The following WDR41 variants were observed in gnomAD, a reference collection of about 807,000 sequenced individuals.
WDR41 encodes the protein WD repeat domain 41.
WDR41 carries 63 observed loss-of-function variants against 69.3 expected under a neutral mutation model. The observed-to-expected ratio is 0.91, with a 90% CI of 0.74 to 1.12. The LOEUF (loss-of-function observed/expected upper bound fraction) is 1.12. Ranked by LOEUF, WDR41 falls within the 50% of genes most tolerant of loss-of-function variation. The pLI, the probability that WDR41 is intolerant of heterozygous loss-of-function variation, is 0.00. For missense variants in WDR41, 543 were observed against 534.5 expected (o/e 1.02, Z -0.16); for synonymous variants, 185 against 192.1 (o/e 0.96, Z 0.31).
chr5:77,590,259 TGTG>T (rs1473055134), intron 1 of WDR41, among the ~76,000 whole-genome samples: 1 of 152,232 alleles, frequency 6.6e-6, no homozygotes, highest in Non-Finnish European at 1.5e-5. Flanking sequence ...TTTACAACTA[TGTG>T]TATCTGTTTT....
upstream of WDR41, among the ~76,000 whole-genome samples, chr5:77,496,660 C>T (rs1278863841): frequency 6.6e-6 from 1 of 152,028 alleles, no homozygotes; most frequent in African/African-American, 2.4e-5. Flanking sequence ...GATAGAAAGA[C>T]AACATTGTTA....
chr5:77,602,230 T>G (rs6897312), intron 1 of WDR41, among the ~76,000 whole-genome samples: 1 of 151,844 alleles, frequency 6.6e-6, no homozygotes, highest in South Asian at 2.1e-4. Flanking sequence ...ACCTCCATCT[T>G]ATGGGTTTAA....
chr5:77,475,598 G>A (rs1800878895), intron 2 of WDR41, among the ~76,000 whole-genome samples: 2 of 152,032 alleles, frequency 1.3e-5, no homozygotes, highest in African/African-American at 2.4e-5. Context: ...CAACAGACCT[G>A]CAGCTGAGGG....
chr5:77,602,870 A>G (rs1744349102), intron 1 of WDR41, among the ~76,000 whole-genome samples: 1 of 150,890 alleles, frequency 6.6e-6, no homozygotes, highest in Non-Finnish European at 1.5e-5. Flanking sequence ...GTACTAACTT[A>G]TATTCCCACC....
chr5:77,559,062 A>G (rs1743467478), intron 1 of WDR41, among the ~76,000 whole-genome samples: 1 of 152,216 alleles, frequency 6.6e-6, no homozygotes, highest in African/African-American at 2.4e-5. Context: ...TCAAGAATAA[A>G]TAACAGACAC....
intron 2 of WDR41, among the ~76,000 whole-genome samples, chr5:77,485,439 A>G (rs899836434): frequency 2.6e-5 from 4 of 152,210 alleles, no homozygotes; most frequent in Admixed American, 2.0e-4. Flanking sequence ...AGCTTCACCA[A>G]CCATCCTAGA....
At chr5:77,471,524 C>T (rs550094838) in intron 2 of WDR41, among the ~76,000 whole-genome samples, 60 of 152,030 alleles carry the variant, frequency 3.9e-4, no homozygotes, top group African/African-American at 1.2e-3. Flanking sequence ...ATTGATAGAA[C>T]GCTAGTAAGA....
chr5:77,473,649 C>T (rs143530017), intron 2 of WDR41, among the ~76,000 whole-genome samples: 8,154 of 152,268 alleles, frequency 0.054, 363 homozygotes, highest in Admixed American at 0.13. Flanking sequence ...TGAACAGACA[C>T]TTCTCAAAAG....
Position 77,583,077 on chromosome 5 carries a change from C to T in WDR41, c.42+37402G>A, listed in dbSNP as rs998187910. The T allele has an allele frequency of 1.3e-5, 20 of 1,592,592 alleles. 1 individual carries two copies. The highest frequency in any genetic ancestry group is 1.7e-5 in the Non-Finnish European group (20 of 1,175,782). On this transcript the variant is annotated intron_variant, in intron 1 of 5. Transcript: ENST00000509971. ...ATTTTGTAGAAGGTAGAGATGCTGG[C>T]AACAGGGAGGACCAGATCAACAGGC... is the stretch of plus-strand genomic sequence containing the variant.
chr5:77,598,460 G>A (rs1744262951), intron 1 of WDR41, among the ~76,000 whole-genome samples: 1 of 152,176 alleles, frequency 6.6e-6, no homozygotes, highest in Non-Finnish European at 1.5e-5. Flanking sequence ...GATGCAGACA[G>A]GAGCTGCTTC....
At chr5:77,506,615 T>C (rs188345501) in intron 1 of WDR41, among the ~76,000 whole-genome samples, 1 of 152,220 alleles carries the variant, frequency 6.6e-6, no homozygotes, top group East Asian at 1.9e-4. Flanking sequence ...CTATTCACAA[T>C]AGCAAAGACT....
intron 1 of WDR41, among the ~76,000 whole-genome samples, chr5:77,574,587 T>A (rs1308693698): frequency 6.6e-6 from 1 of 152,206 alleles, no homozygotes; most frequent in Non-Finnish European, 1.5e-5. Context: ...CTAAGGCTAA[T>A]GCTTTGACTT....
intron 1 of WDR41, among the ~76,000 whole-genome samples, chr5:77,571,775 T>C (rs1168322287): frequency 1.3e-5 from 2 of 152,136 alleles, no homozygotes; most frequent in African/African-American, 4.8e-5. Flanking sequence ...ATGGACCATT[T>C]TTCACTCTCT....
chr5:77,602,613 A>G (rs1351819741), intron 1 of WDR41, among the ~76,000 whole-genome samples: 7 of 152,110 alleles, frequency 4.6e-5, no homozygotes, highest in Non-Finnish European at 1.0e-4. Flanking sequence ...ATAGTATTCC[A>G]TTGTGTACAT....
At chr5:77,564,097 GT>G (rs1338277294) in intron 1 of WDR41, among the ~76,000 whole-genome samples, 1 of 152,102 alleles carries the variant, frequency 6.6e-6, no homozygotes, top group African/African-American at 2.4e-5. Flanking sequence ...ATAAATACAT[GT>G]AAAGTATAAA....
At chr5:77,528,983 G>C (rs1208600774) in intron 1 of WDR41, among the ~76,000 whole-genome samples, 1 of 151,342 alleles carries the variant, frequency 6.6e-6, no homozygotes, top group Non-Finnish European at 1.5e-5. Context: ...AGATAAGAAT[G>C]CCCACTGTCA....
intron 1 of WDR41, among the ~76,000 whole-genome samples, chr5:77,619,424 C>T (rs1212210758): frequency 1.3e-5 from 2 of 152,150 alleles, no homozygotes; most frequent in Non-Finnish European, 2.9e-5. Context: ...CAACCTATCC[C>T]TGTGTTCCAG....
At chr5:77,487,978 C>A (rs1459714083) in intron 2 of WDR41, among the ~76,000 whole-genome samples, 1 of 152,152 alleles carries the variant, frequency 6.6e-6, no homozygotes, top group African/African-American at 2.4e-5. Context: ...GCATGTGGGA[C>A]CCCCTAGGCC....
chr5:77,580,683 CG>C (rs1290495072), intron 1 of WDR41, among the ~76,000 whole-genome samples: 3 of 151,920 alleles, frequency 2.0e-5, no homozygotes, highest in Non-Finnish European at 2.9e-5. Flanking sequence ...AGGCTGGGCA[CG>C]GTGGTTCATG....
Sources: allele counts gnomAD v4.1 joint callset (sites outside exome capture counted in the v4.1 genomes callset), GRCh38; gene constraint gnomAD v4.1.1; transcripts MANE v1.5; gene names NCBI Gene and HGNC (gene_info 2026-07-23, HGNC 2026-07-21).